INVS: variants seen among roughly 807,000 people sequenced by gnomAD.
INVS encodes the protein inversion of embryo turning homolog.
Under a neutral mutation model 108.8 loss-of-function variants are expected in INVS, and 86 were observed. The ratio of observed to expected loss-of-function variants is 0.79; its 90% CI spans 0.66 to 0.95. INVS has a LOEUF of 0.95. INVS is among the 40% of genes least tolerant of loss of function. INVS has a pLI of 0.00. For missense variants in INVS, 1,169 were observed against 1,297.4 expected, an observed-to-expected ratio of 0.90 and a Z score of 1.52; for synonymous variants, 455 against 473.5, an observed-to-expected ratio of 0.96 and a Z score of 0.51.
intron 3 of INVS, among the ~76,000 whole-genome samples, chr9:100,167,754 T>C (rs544735004): frequency 2.0e-5 from 3 of 152,174 alleles, no homozygotes; most frequent in Non-Finnish European, 4.4e-5. Flanking sequence ...CTAGAACTAG[T>C]AGTTGGTGCT....
intron 8 of INVS, among the ~76,000 whole-genome samples, chr9:100,250,234 C>A (rs1054272655): frequency 1.3e-5 from 2 of 152,128 alleles, no homozygotes; most frequent in Non-Finnish European, 2.9e-5. Flanking sequence ...CAAACACATT[C>A]AAAAGTAGAC....
chr9:100,219,490 C>T (rs1252844169), intron 3 of INVS, among the ~76,000 whole-genome samples: 1 of 152,080 alleles, frequency 6.6e-6, no homozygotes, highest in Non-Finnish European at 1.5e-5. Flanking sequence ...CAAAAATTAG[C>T]AAGTCAGACA....
intron 3 of INVS, among the ~76,000 whole-genome samples, chr9:100,209,084 T>TC (rs1830757080): frequency 6.6e-6 from 1 of 152,092 alleles, no homozygotes; most frequent in Non-Finnish European, 1.5e-5. Context: ...CCGTACTGCC[T>TC]CCCCATGGAG....
At chr9:100,298,537 A>G (rs1833857445) in intron 16 of INVS, among the ~76,000 whole-genome samples, 2 of 152,000 alleles carry the variant, frequency 1.3e-5, no homozygotes, top group Non-Finnish European at 2.9e-5. Flanking sequence ...AGCATTAAAT[A>G]TGGGTGATAA....
At chr9:100,261,757 A>G (rs1391395456) in intron 10 of INVS, among the ~76,000 whole-genome samples, 1 of 152,114 alleles carries the variant, frequency 6.6e-6, no homozygotes, top group Non-Finnish European at 1.5e-5. Flanking sequence ...TCCAATCTTT[A>G]TACTTTTCAT....
rs188593579 is a variant in INVS at position 100,299,546 on chromosome 9, T to C, written c.3092-1022T>C. 1.7e-3 allele frequency among the ~76,000 whole-genome samples: 241 copies of C among 139,444 alleles called. 1 individual carries two copies. The highest frequency in any genetic ancestry group is 6.6e-3 in the African/African-American group (228 of 34,466). 91.5% of individuals were successfully genotyped at this position (139,444 alleles called of 152,430 possible). A position where few individuals can be genotyped will look rare whatever the true frequency, so the allele number is the denominator to read the frequency against. Reference sequence around the variant, plus strand: ...CCAAGAATCTCAGCAGAGCCTTTTATTGACACACAACACACACACACACAC... The same window carrying C: ...CCAAGAATCTCAGCAGAGCCTTTTACTGACACACAACACACACACACACAC... On this transcript the variant is annotated intron_variant, in intron 16 of 16. Transcript: ENST00000262457.
At chr9:100,246,445 C>A (rs956785592) in intron 7 of INVS, among the ~76,000 whole-genome samples, 171 bp from the exon 8 acceptor site, 1 of 152,104 alleles carries the variant, frequency 6.6e-6, no homozygotes, top group South Asian at 2.1e-4. Context: ...GGATTGTTAT[C>A]TTCGATGGAA....
intron 3 of INVS, among the ~76,000 whole-genome samples, chr9:100,190,564 C>T (rs1333247193): frequency 6.6e-6 from 1 of 152,102 alleles, no homozygotes; most frequent in East Asian, 1.9e-4. Context: ...CTAGTAGTGA[C>T]AAATTCTCTC....
At chr9:100,244,568 T>C (rs897263677) in intron 7 of INVS, among the ~76,000 whole-genome samples, 1 of 152,104 alleles carries the variant, frequency 6.6e-6, no homozygotes, top group Non-Finnish European at 1.5e-5. Flanking sequence ...CTCAATAATA[T>C]AATAATATAA....
chr9:100,117,796 A>G (rs1013491825), intron 2 of INVS: 9 of 466,278 alleles, frequency 1.9e-5, no homozygotes, highest in Admixed American at 8.0e-5. Context: ...CTAACCCTCA[A>G]TGTGATGATA....
intron 3 of INVS, among the ~76,000 whole-genome samples, chr9:100,216,602 C>T (rs957881687): frequency 6.6e-6 from 1 of 152,232 alleles, no homozygotes; most frequent in Non-Finnish European, 1.5e-5. Flanking sequence ...CACTTTTGAG[C>T]ACCTGCTCAC....
chr9:100,292,977 G>C lies in INVS; in HGVS notation c.2720G>C (p.Arg907Pro), dbSNP rs781064013. 1.2e-6 allele frequency: 2 copies of C among 1,613,664 alleles called. No individual in the cohort carries two copies. The highest frequency in any genetic ancestry group is 1.7e-6 in the Non-Finnish European group (2 of 1,179,600). Reference protein sequence around the residue: ...ELRLQIIQRERRRKELFRKKN... With the variant: ...ELRLQIIQREPRRKELFRKKN... The stretch of plus-strand genomic sequence containing the variant: ...CGACTGCAGATAATTCAGAGAGAAC[G>C]AAGGAGGAAGGAGCTGTTTCGCAAA... The change falls in exon 14 of 17, where the codon CGA becomes CCA. Residue 907 changes from arginine to proline, a missense_variant. Physicochemically the swap from Arg to Pro is moderately radical, Grantham distance 103. Around this residue, in one of 3 missense-constraint regions of INVS, gnomAD observed 533 missense variants for 536.0 expected, o/e 0.99. Transcript: ENST00000262457.
intron 3 of INVS, among the ~76,000 whole-genome samples, chr9:100,162,390 G>C (rs1829219456): frequency 6.6e-6 from 1 of 152,146 alleles, no homozygotes; most frequent in Non-Finnish European, 1.5e-5. Context: ...ATATTAGCAA[G>C]GACCTGGGTT....
At chr9:100,283,101 T>C (rs922930975) in intron 12 of INVS, among the ~76,000 whole-genome samples, 11 of 152,090 alleles carry the variant, frequency 7.2e-5, no homozygotes, top group Non-Finnish European at 1.2e-4. Flanking sequence ...TTGAGGCCAG[T>C]AGTTCAAAAC....
At chr9:100,272,783 G>A in intron 11 of INVS, 81 bp from the exon 12 acceptor site, 6 of 1,280,700 alleles carry the variant, frequency 4.7e-6, no homozygotes, top group Non-Finnish European at 5.7e-6. Context: ...TCCTTCTGCT[G>A]CATAATAATA....
chr9:100,286,855 C>T (rs2118735475), intron 13 of INVS, among the ~76,000 whole-genome samples: 1 of 152,296 alleles, frequency 6.6e-6, no homozygotes, highest in Non-Finnish European at 1.5e-5. Flanking sequence ...GCTATTGCTT[C>T]CATACTTCTC....
At position 100,154,331 on chromosome 9, in the gene INVS, ATTTTTTTTT is replaced by A. The variant is rs780090630; in HGVS notation, c.273+27802_273+27810del. On this transcript the variant is annotated intron_variant, in intron 3 of 16. Coordinates refer to ENST00000262457, the MANE Select transcript of INVS (RefSeq NM_014425.5). Reference sequence around the variant, plus strand: ...AGGTGTGTGCCACCACAACCGACTAATTTTTTTTTTTTTTTTTTTTTTTTTTTTGTAGAG... The same window carrying A: ...AGGTGTGTGCCACCACAACCGACTAATTTTTTTTTTTTTTTTTTTGTAGAG... 6.8e-3 allele frequency among the ~76,000 whole-genome samples: 465 copies of A among 68,558 alleles called. 4 individuals are homozygous for A. The highest frequency in any genetic ancestry group is 7.8e-3 in the Non-Finnish European group (308 of 39,278). The allele number at this position is 68,558 out of a possible 152,430, so 45.0% of individuals were successfully genotyped here.
At chr9:100,188,774 C>T (rs567942854) in intron 3 of INVS, among the ~76,000 whole-genome samples, 36 of 151,064 alleles carry the variant, frequency 2.4e-4, no homozygotes, top group African/African-American at 8.3e-4. Flanking sequence ...ACCAATTTTT[C>T]TTTGAATATC....
rs993434898 is a variant in INVS at position 100,172,717 on chromosome 9, G to C, written c.273+46168G>C. 2.6e-5 allele frequency among the ~76,000 whole-genome samples: 4 copies of C among 152,316 alleles called. No individual in the cohort carries two copies. The East Asian group carries it at 7.7e-4, about 29-fold the overall frequency. On this transcript the variant is annotated intron_variant, in intron 3 of 16. Transcript: ENST00000262457. ...CACAAGATTTAAAAACAAGTAGATA[G>C]AGAGTCAGATAATACTTGTGAGTCC...
Sources: allele counts gnomAD v4.1 joint callset (sites outside exome capture counted in the v4.1 genomes callset), GRCh38; gene constraint gnomAD v4.1.1; regional missense constraint gnomAD v4.1.1; transcripts MANE v1.5; gene names NCBI Gene and HGNC (gene_info 2026-07-23, HGNC 2026-07-21).